GPR75: variants seen among roughly 807,000 people sequenced by gnomAD.
GPR75 encodes probable G protein-coupled receptor 75.
In GPR75, 27 loss-of-function variants were observed where a neutral mutation model predicts 26.0. That is an observed-to-expected ratio of 1.04 (90% CI 0.77 to 1.43). The LOEUF (loss-of-function observed/expected upper bound fraction) is 1.43, where lower values mean the gene tolerates loss of function less well. Ranked by LOEUF, GPR75 falls within the 40% of genes most tolerant of loss-of-function variation. The pLI is 0.00. For synonymous variants in GPR75, 285 were observed against 256.3 expected, an observed-to-expected ratio of 1.11 and a Z score of -1.07; for missense variants, 699 against 662.3, an observed-to-expected ratio of 1.06 and a Z score of -0.61.
At chr2:53,858,402 G>GACACACACACAC (rs61090357) in intron 1 of GPR75, among the ~76,000 whole-genome samples, 257 of 145,132 alleles carry the variant, frequency 1.8e-3, no homozygotes, top group Non-Finnish European at 2.6e-3. Context: ...GATACAGATA[G>GACACACACACAC]ACACACACAC....
chr2:53,854,957 T>G (rs997395256), intron 1 of GPR75, 92 bp from the exon 2 acceptor site: 4 of 570,854 alleles, frequency 7.0e-6, no homozygotes, highest in African/African-American at 5.6e-5. Flanking sequence ...AGTAGTAGTA[T>G]TAGTACTAGT....
intron 1 of GPR75, among the ~76,000 whole-genome samples, chr2:53,857,104 C>T (rs989783398): frequency 6.6e-6 from 1 of 150,390 alleles, no homozygotes; most frequent in African/African-American, 2.4e-5. Flanking sequence ...GCTGGGACTA[C>T]AGGCGCCCGC....
At position 53,854,014 on chromosome 2, in the gene GPR75, C is replaced by G. The variant is rs879228743; in HGVS notation, c.743G>C (p.Arg248Thr). Residue 248 changes from arginine to threonine, a missense_variant, in exon 2 of 2, where the codon AGA becomes ACA. By Grantham distance (71) the Arg-to-Thr change is moderately conservative. Transcript: ENST00000394705. ...AGGGACCCCCATGAAAGGCTGTGGT[C>G]TGGAAGCATCGACTGTGATTACAGG... ...CPPVITVDAS[R>T]PQPFMGVPVQ... is the part of the protein sequence containing the mutation. The G allele has an allele frequency of 4.3e-6, 7 of 1,614,186 alleles. No homozygotes were observed. In the South Asian group the frequency reaches 6.6e-5, roughly 15 times the overall value.
intron 1 of GPR75, 29 bp downstream of exon 1, chr2:53,859,798 GT>G (rs1378994574): frequency 1.3e-6 from 2 of 1,499,706 alleles, no homozygotes; most frequent in East Asian, 5.0e-5. Flanking sequence ...TCGTGGGGTT[GT>G]CCTCCTCCAG....
At chr2:53,856,966 T>TC (rs1553399614) in intron 1 of GPR75, among the ~76,000 whole-genome samples, 1 of 127,766 alleles carries the variant, frequency 7.8e-6, no homozygotes, top group Non-Finnish European at 1.6e-5. Context: ...TTTTTTTTTT[T>TC]TTTTTTTTGA....
At chr2:53,857,257 G>A (rs1022513870) in intron 1 of GPR75, among the ~76,000 whole-genome samples, 4 of 151,998 alleles carry the variant, frequency 2.6e-5, no homozygotes, top group South Asian at 2.1e-4. Flanking sequence ...GTGAGCCACC[G>A]CGCCCGGCCG....
At chr2:53,859,792 G>A in intron 1 of GPR75, 36 bp downstream of exon 1, 2 of 1,475,178 alleles carry the variant, frequency 1.4e-6, no homozygotes, top group Non-Finnish European at 1.8e-6. Context: ...CCGGCATCGT[G>A]GGGTTGTCCT....
chr2:53,859,747 C>CT (rs1318543543), intron 1 of GPR75, 81 bp downstream of exon 1: 1 of 1,118,262 alleles, frequency 8.9e-7, no homozygotes, highest in Non-Finnish European at 1.2e-6. Context: ...CGCAGCCGCG[C>CT]TCCTCGCTAT....
Position 53,853,733 on chromosome 2 carries a change from C to T in GPR75, c.1024G>A (p.Val342Ile), listed in dbSNP as rs747038261. The T allele has an allele frequency of 6.2e-7, 1 of 1,613,970 alleles. No individual in the cohort carries two copies. Among genetic ancestry groups the T allele is most frequent in the Non-Finnish European group, 8.5e-7 (1 of 1,179,926 alleles). The change falls in exon 2 of 2, where the codon GTA (valine) becomes ATA (isoleucine). Residue 342 changes from valine (V) to isoleucine (I), a missense_variant. Val to Ile is a conservative substitution (Grantham distance 29, BLOSUM62 3). Transcript: ENST00000394705. The stretch of plus-strand genomic sequence containing the variant: ...CCATTGCTGGAGAGAACCACCTGTA[C>T]CAAGGAAATCCCCAGTGGAAGACAG... The part of the protein sequence containing the change: ...VCCLPLGISL[V>I]QVVLSSNGSF...
Position 53,853,972 on chromosome 2 carries a change from T to C in GPR75, c.785A>G (p.Asp262Gly). The C allele has an allele frequency of 1.2e-6, 2 of 1,614,000 alleles. No individual in the cohort carries two copies. Among genetic ancestry groups the C allele is most frequent in the Non-Finnish European group, 1.7e-6 (2 of 1,179,990 alleles). Residue 262 changes from aspartate (D) to glycine (G), a missense_variant, in exon 2 of 2, where the codon GAT (aspartate) becomes GGT (glycine). Coordinates refer to ENST00000394705, the MANE Select transcript of GPR75 (RefSeq NM_006794.4). The stretch of plus-strand genomic sequence containing the variant: ...AGCCGGCATGGCACACTGGATGGGA[T>C]CTCCACCTCCCTGCACAGGGACCCC... The part of the protein sequence containing the change: ...FMGVPVQGGG[D>G]PIQCAMPALY...
Position 53,859,834 on chromosome 2 carries a change from G to C in GPR75, c.-116C>G. 7 of 1,531,058 alleles carry C rather than the reference G, an allele frequency of 4.6e-6. No individual in the cohort carries two copies. Among genetic ancestry groups the C allele is most frequent in the Admixed American group, 2.0e-5 (1 of 50,438 alleles). The allele number at this position is 1,531,058 out of a possible 1,614,324, so 94.8% of individuals were successfully genotyped here. On this transcript the variant is annotated 5_prime_UTR_variant, in exon 1 of 2. Transcript: ENST00000394705. The stretch of plus-strand genomic sequence containing the variant: ...GGGGCCCGCGGCCTCTCACCTGCCG[G>C]GTGGCCGCAGCGCCGCCCCTCCTCC...
In GPR75 at chr2:53,854,074, G is replaced by A; in HGVS notation, c.683C>T (p.Thr228Ile). Reference protein sequence around the residue: ...VSVSYIMIAQTLRKNAQVRKC... With the variant: ...VSVSYIMIAQILRKNAQVRKC... The stretch of plus-strand genomic sequence containing the variant: ...TCTGACTTGAGCGTTCTTCCGCAGG[G>A]TCTGAGCAATCATGATGTAAGAGAC... Residue 228 changes from threonine to isoleucine, a missense_variant, in exon 2 of 2, where the codon ACC (threonine) becomes ATC (isoleucine). Physicochemically the swap from Thr to Ile is moderately conservative, Grantham distance 89. Transcript: ENST00000394705. The A allele has an allele frequency of 6.2e-7, 1 of 1,614,156 alleles. No individual in the cohort carries two copies. The highest frequency in any genetic ancestry group is 8.5e-7 in the Non-Finnish European group (1 of 1,180,016).
chr2:53,853,230 G>T lies in GPR75; in HGVS notation c.1527C>A (p.Ala509=). 1 of 1,613,950 alleles carries T rather than the reference G, an allele frequency of 6.2e-7. No homozygotes were observed. The highest frequency in any genetic ancestry group is 8.5e-7 in the Non-Finnish European group (1 of 1,179,840). The change falls in exon 2 of 2, where the codon GCC becomes GCA. Residue 509 remains alanine (A), a synonymous_variant. Transcript: ENST00000394705. ...GATAATGCATGGCAATATATGAATT[G>T]GCAAATCCAAAAGAGTTTACTGGCT... ...NLQPVNSFGF[A]NSYIAMHYHT...
chr2:53,856,159 CTACTT>C (rs1379659984), intron 1 of GPR75, among the ~76,000 whole-genome samples: 8 of 152,278 alleles, frequency 5.3e-5, no homozygotes, highest in African/African-American at 1.9e-4. Context: ...AAGGCAGTCT[CTACTT>C]TAAAAGAATA....
chr2:53,853,306 C>G lies in GPR75; in HGVS notation c.1451G>C (p.Ser484Thr). The G allele has an allele frequency of 1.2e-6, 2 of 1,614,130 alleles. No homozygotes were observed. Among genetic ancestry groups the G allele is most frequent in the East Asian group, 2.2e-5 (1 of 44,882 alleles). Residue 484 changes from serine (S) to threonine (T), a missense_variant, in exon 2 of 2, where the codon AGC (serine) becomes ACC (threonine). Coordinates refer to ENST00000394705, the MANE Select transcript of GPR75 (RefSeq NM_006794.4). ...PINTRIEPYY[S>T]IYNSSPSQEE... ...CTGGGAAGGGCTGCTGTTATAGATG[C>G]TGTAGTAAGGTTCAATCCGAGTGTT...
chr2:53,855,359 G>A (rs80335272), intron 1 of GPR75, among the ~76,000 whole-genome samples: 7 of 152,182 alleles, frequency 4.6e-5, no homozygotes, highest in African/African-American at 1.7e-4. Context: ...CGCCCCTTGT[G>A]ATTCTGTTTG....
At chr2:53,855,882 A>G (rs145809054) in intron 1 of GPR75, among the ~76,000 whole-genome samples, 29 of 152,336 alleles carry the variant, frequency 1.9e-4, no homozygotes, top group Non-Finnish European at 3.7e-4. Context: ...TCCTTTGGAA[A>G]AAAACCTTGT....
In GPR75 at chr2:53,853,183, T is replaced by G. The variant is rs752632336; in HGVS notation, c.1574A>C (p.Gln525Pro). ...CTTGGCTGAAGTGCTGTCATATTCC[T>G]GCACTAAGTCATTAGTGGTGTGATA... ...MHYHTTNDLV[Q>P]EYDSTSAKQI... Residue 525 changes from glutamine to proline, a missense_variant, in exon 2 of 2, where the codon CAG becomes CCG. Gln to Pro is a moderately conservative substitution (Grantham distance 76). Transcript: ENST00000394705. The G allele has an allele frequency of 6.2e-7, 1 of 1,613,684 alleles. No individual in the cohort carries two copies. Among genetic ancestry groups the G allele is most frequent in the Admixed American group, 1.7e-5 (1 of 60,024 alleles).
Position 53,854,596 on chromosome 2 carries a change from CAGA to C in GPR75, c.158_160del (p.Phe53del). 1 of 1,613,990 alleles carries C rather than the reference CAGA, an allele frequency of 6.2e-7. No individual in the cohort carries two copies. The highest frequency in any genetic ancestry group is 8.5e-7 in the Non-Finnish European group (1 of 1,179,990). On this transcript the variant is annotated inframe_deletion, in exon 2 of 2. Coordinates refer to ENST00000394705, the MANE Select transcript of GPR75 (RefSeq NM_006794.4). ...AATGAAGTTGCCATAGGAACCCAGG[CAGA>C]AGATGACCGCCAGTAGAAAAGTACA...
Sources: allele counts gnomAD v4.1 joint callset (sites outside exome capture counted in the v4.1 genomes callset), GRCh38; gene constraint gnomAD v4.1.1; transcripts MANE v1.5; gene names NCBI Gene and HGNC (gene_info 2026-07-23, HGNC 2026-07-21).